TTC17: variants seen among roughly 807,000 people sequenced by gnomAD.
TTC17 encodes the protein tetratricopeptide repeat domain 17, also known as tetratricopeptide repeat protein 17.
TTC17 carries 58 observed loss-of-function variants against 143.8 expected under a neutral mutation model. The observed-to-expected ratio is 0.40, with a 90% CI of 0.33 to 0.50. The LOEUF is 0.50. Among genes scored for constraint, TTC17 ranks in the 20% least tolerant of loss-of-function variants. The pLI is 0.49. For synonymous variants in TTC17, 501 were observed against 497.8 expected (o/e 1.01, Z -0.09); for missense variants, 1,273 against 1,392.5 (o/e 0.91, Z 1.37).
intron 16 of TTC17, among the ~76,000 whole-genome samples, chr11:43,432,584 T>C (rs1947182993): frequency 1.3e-5 from 2 of 152,232 alleles, no homozygotes; most frequent in African/African-American, 4.8e-5. Context: ...AGAAAACTCA[T>C]ACCTCTCAAG....
At position 43,362,516 on chromosome 11, in the gene TTC17, G is replaced by GCATA. The variant is rs1012237943; in HGVS notation, c.159+3407_159+3410dup. ...AAAGGGGGTTAAGTAAGAGCAAGGA[G>GCATA]CATACATTCCTGCAGGCAACCTCTT... On this transcript the variant is annotated intron_variant, in intron 1 of 23. Coordinates refer to ENST00000039989, the MANE Select transcript of TTC17 (RefSeq NM_018259.6). 3.3e-5 allele frequency among the ~76,000 whole-genome samples: 5 copies of GCATA among 152,316 alleles called. 1 individual carries two copies. Among genetic ancestry groups the GCATA allele is most frequent in the East Asian group, 3.9e-4 (2 of 5,182 alleles).
At position 43,407,503 on chromosome 11, in the gene TTC17, C is replaced by A; in HGVS notation, c.1990C>A (p.Leu664Ile). 2 of 1,614,044 alleles carry A rather than the reference C, an allele frequency of 1.2e-6. No individual in the cohort carries two copies. The highest frequency in any genetic ancestry group is 1.7e-6 in the Non-Finnish European group (2 of 1,179,986). The change falls in exon 15 of 24, where the codon CTT becomes ATT. Residue 664 changes from leucine (L) to isoleucine (I), a missense_variant. Around this residue, in one of 3 missense-constraint regions of TTC17, gnomAD observed 878 missense variants for 899.8 expected, o/e 0.98. Coordinates refer to ENST00000039989, the MANE Select transcript of TTC17 (RefSeq NM_018259.6). ...TGTTCCTCTTGTCAACTTGGCCAACCTTTTGATTCATTACGGCCTTCATCT... is the reference window on the plus strand; with the variant it reads ...TGTTCCTCTTGTCAACTTGGCCAACATTTTGATTCATTACGGCCTTCATCT... Reference protein sequence around the residue: ...QDVPLVNLANLLIHYGLHLDA... With the variant: ...QDVPLVNLANILIHYGLHLDA...
chr11:43,406,248 C>A (rs955185840), intron 13 of TTC17, among the ~76,000 whole-genome samples: 6 of 152,162 alleles, frequency 3.9e-5, no homozygotes, highest in Non-Finnish European at 5.9e-5. Flanking sequence ...TGGTGTAATG[C>A]AGGCCATTGC....
At chr11:43,398,277 A>G (rs1282140834) in intron 8 of TTC17, among the ~76,000 whole-genome samples, 164 bp downstream of exon 8, 4 of 152,150 alleles carry the variant, frequency 2.6e-5, no homozygotes, top group African/African-American at 7.2e-5. Context: ...GTTTAGCACA[A>G]TTCAGTGGTT....
intron 19 of TTC17, 141 bp downstream of exon 19, chr11:43,448,263 T>C (rs999528484): frequency 1.5e-6 from 2 of 1,297,566 alleles, no homozygotes; most frequent in Non-Finnish European, 1.0e-6. Flanking sequence ...ATGCTGACCA[T>C]GGCCCCCAGG....
chr11:43,371,140 G>A (rs943976516), intron 1 of TTC17, among the ~76,000 whole-genome samples: 1 of 151,962 alleles, frequency 6.6e-6, no homozygotes, highest in African/African-American at 2.4e-5. Flanking sequence ...CATTGTGAAT[G>A]GAAAAAACAT....
At chr11:43,488,624 C>T (rs1316133835) in intron 21 of TTC17, among the ~76,000 whole-genome samples, 1 of 151,820 alleles carries the variant, frequency 6.6e-6, no homozygotes, top group African/African-American at 2.4e-5. Context: ...GATTAAATTT[C>T]AAATGGATCA....
At chr11:43,364,047 CTTTTTTTT>C (rs71308379) in intron 1 of TTC17, among the ~76,000 whole-genome samples, 1 of 94,452 alleles carries the variant, frequency 1.1e-5, no homozygotes, top group Admixed American at 1.3e-4. Flanking sequence ...TACAGATCCT[CTTTTTTTT>C]TTTTTTTTTT....
rs1419594211 is a variant in TTC17, at chr11:43,494,065, T to C, written c.*161T>C. 1 of 1,100,740 alleles carries C rather than the reference T, an allele frequency of 9.1e-7. No individual in the cohort carries two copies. The highest frequency in any genetic ancestry group is 1.2e-6 in the Non-Finnish European group (1 of 807,606). The allele number at this position is 1,100,740 out of a possible 1,614,324, so 68.2% of individuals were successfully genotyped here. A position where few individuals can be genotyped will look rare whatever the true frequency, so the allele number is the denominator to read the frequency against. On this transcript the variant is annotated 3_prime_UTR_variant, in exon 24 of 24. Coordinates refer to ENST00000039989, the MANE Select transcript of TTC17 (RefSeq NM_018259.6). The stretch of plus-strand genomic sequence containing the variant: ...ATGTGGGAATTGGTTTGTTTTTGTT[T>C]TTACGTTTCTCCTTTCCCCCAACCA...
At chr11:43,470,346 A>C (rs1948069135) in intron 21 of TTC17, among the ~76,000 whole-genome samples, 1 of 152,158 alleles carries the variant, frequency 6.6e-6, no homozygotes, top group Admixed American at 6.5e-5. Flanking sequence ...GGAACAAATC[A>C]ATTTATTAAT....
At chr11:43,474,477 A>T (rs953317676) in intron 21 of TTC17, among the ~76,000 whole-genome samples, 2 of 152,208 alleles carry the variant, frequency 1.3e-5, no homozygotes, top group Non-Finnish European at 2.9e-5. Flanking sequence ...TTATTTTTTC[A>T]ATTTGACTTT....
intron 21 of TTC17, among the ~76,000 whole-genome samples, chr11:43,473,197 C>T (rs1310853517): frequency 6.6e-6 from 1 of 151,384 alleles, no homozygotes; most frequent in African/African-American, 2.4e-5. Context: ...GAAAGAAAAT[C>T]TTCACCTGTT....
rs753168778 is a variant in TTC17 at position 43,451,179 on chromosome 11, C to T, written c.2947-3C>T. On this transcript the variant is annotated splice_polypyrimidine_tract_variant and splice_region_variant and intron_variant, in intron 20 of 23. Transcript: ENST00000039989. Reference sequence around the variant, plus strand: ...TCTAATCTACTATCTTCCTTCCTTCCAGGTATTACAAAATCTCGGCAAAGA... The same window carrying T: ...TCTAATCTACTATCTTCCTTCCTTCTAGGTATTACAAAATCTCGGCAAAGA... 1 of 1,612,882 alleles carries T rather than the reference C, an allele frequency of 6.2e-7. No homozygotes were observed. Among genetic ancestry groups the T allele is most frequent in the Non-Finnish European group, 8.5e-7 (1 of 1,179,026 alleles).
At position 43,401,431 on chromosome 11, in the gene TTC17, C is replaced by T. The variant is rs763101775; in HGVS notation, c.1220-15C>T. The stretch of plus-strand genomic sequence containing the variant: ...ACCTTGCTCATCATTTGTGTAATTT[C>T]CTTTCTTATTCCAGGAAATCATCAG... On this transcript the variant is annotated splice_polypyrimidine_tract_variant and intron_variant, in intron 9 of 23. Coordinates refer to ENST00000039989, the MANE Select transcript of TTC17 (RefSeq NM_018259.6). 5 of 1,574,876 alleles carry T rather than the reference C, an allele frequency of 3.2e-6. No homozygotes were observed. Among genetic ancestry groups the T allele is most frequent in the Middle Eastern group, 1.7e-4 (1 of 5,952 alleles).
chr11:43,448,797 A>C (rs917214553), intron 19 of TTC17: 1 of 152,170 alleles, frequency 6.6e-6, no homozygotes, highest in Admixed American at 6.5e-5. Context: ...AACTAAAGTC[A>C]TAATTTTCTT....
At chr11:43,478,165 A>G (rs2134854034) in intron 21 of TTC17, among the ~76,000 whole-genome samples, 1 of 152,378 alleles carries the variant, frequency 6.6e-6, no homozygotes, top group Middle Eastern at 3.4e-3. Flanking sequence ...CCAACAGGAC[A>G]GATAACCCTA....
intron 21 of TTC17, among the ~76,000 whole-genome samples, chr11:43,465,253 C>T (rs899325490): frequency 3.3e-5 from 5 of 152,214 alleles, no homozygotes; most frequent in African/African-American, 7.2e-5. Flanking sequence ...TGTATGAATG[C>T]TGTCTTTAGA....
Position 43,448,142 on chromosome 11 carries a change from C to T in TTC17, c.2786+20C>T, listed in dbSNP as rs779057627. On this transcript the variant is annotated intron_variant, in intron 19 of 23. Coordinates refer to ENST00000039989, the MANE Select transcript of TTC17 (RefSeq NM_018259.6). ...CATTGAGTAAGTATGTTAAGCCTCT[C>T]CCTCCTTTATGGCATTTGAGTCCCA... 3 of 1,613,206 alleles carry T rather than the reference C, an allele frequency of 1.9e-6. No homozygotes were observed. Among genetic ancestry groups the T allele is most frequent in the East Asian group, 2.2e-5 (1 of 44,856 alleles).
intron 21 of TTC17, among the ~76,000 whole-genome samples, chr11:43,488,961 G>A (rs1038299542): frequency 5.3e-5 from 8 of 152,082 alleles, no homozygotes; most frequent in African/African-American, 1.2e-4. Context: ...TTACAGCCGT[G>A]AGCCACCAAG....
Sources: gnomAD v4.1 joint callset for allele counts (sites outside exome capture counted in the v4.1 genomes callset) on GRCh38, gnomAD v4.1.1 for gene constraint, gnomAD v4.1.1 regional missense constraint, MANE v1.5 for transcripts, NCBI Gene and HGNC (gene_info 2026-07-23, HGNC 2026-07-21) for gene names.